WDR59: variants seen among roughly 807,000 people sequenced by gnomAD.
WDR59 encodes WD repeat domain 59.
A neutral mutation model predicts 131.2 loss-of-function variants in WDR59; 100 were observed. The observed-to-expected ratio is 0.76, with a 90% CI of 0.65 to 0.90. The LOEUF (loss-of-function observed/expected upper bound fraction) is 0.90. Among genes scored for constraint, WDR59 ranks in the 40% least tolerant of loss-of-function variants. The pLI, the probability that WDR59 is intolerant of heterozygous loss-of-function variation, is 0.00. For missense variants in WDR59, 1,203 were observed against 1,262.2 expected, an observed-to-expected ratio of 0.95 and a Z score of 0.71; for synonymous variants, 601 against 466.2, an observed-to-expected ratio of 1.29 and a Z score of -3.72.
chr16:74,873,541 A>T lies in WDR59; in HGVS notation c.*668T>A, dbSNP rs545583079. The T allele has an allele frequency of 6.6e-6, 1 of 151,910 alleles. No individual in the cohort carries two copies. Among genetic ancestry groups the T allele is most frequent in the African/African-American group, 2.4e-5 (1 of 41,448 alleles). The allele number at this position is 151,910 out of a possible 1,614,324, so 9.4% of individuals were successfully genotyped here. On this transcript the variant is annotated 3_prime_UTR_variant, in exon 26 of 26. Coordinates refer to ENST00000262144, the MANE Select transcript of WDR59 (RefSeq NM_030581.4). ...TTCAAAATAGCTACCTTCAATTAGA[A>T]TTAGGGTAAAAAATGATTCACCATA...
Position 74,886,265 on chromosome 16 carries a change from G to C in WDR59, c.2546+5C>G, listed in dbSNP as rs1267602237. 2.5e-6 allele frequency: 4 copies of C among 1,610,566 alleles called. No homozygotes were observed. Among genetic ancestry groups the C allele is most frequent in the Non-Finnish European group, 3.4e-6 (4 of 1,177,844 alleles). ...ATTGCAGCTCTCACCTGGGAGGGTG[G>C]TTACCTTTTATTTTTATCATGCTGG... On this transcript the variant is annotated splice_donor_5th_base_variant and intron_variant, in intron 24 of 25. Transcript: ENST00000262144.
In WDR59 at chr16:74,912,296, C is replaced by T; in HGVS notation, c.1291G>A (p.Val431Met). The T allele has an allele frequency of 6.2e-7, 1 of 1,614,138 alleles. No individual in the cohort carries two copies. The highest frequency in any genetic ancestry group is 8.5e-7 in the Non-Finnish European group (1 of 1,180,028). The change falls in exon 14 of 26, where the codon GTG becomes ATG. Residue 431 changes from valine (V) to methionine (M), a missense_variant. Transcript: ENST00000262144. ...HCSNHRVKML[V>M]KFPAQYPNNA... The stretch of plus-strand genomic sequence containing the variant: ...TTTGGGTACTGTGCAGGGAACTTCA[C>T]CAGCATCTTGACACGATGGTTGCTG...
chr16:74,878,321 C>T (rs527617348), intron 25 of WDR59, among the ~76,000 whole-genome samples: 3 of 152,198 alleles, frequency 2.0e-5, no homozygotes, highest in Non-Finnish European at 4.4e-5. Flanking sequence ...TATCTTTCAA[C>T]AAATTTATTT....
intron 6 of WDR59, among the ~76,000 whole-genome samples, chr16:74,945,340 G>T (rs887089690): frequency 1.3e-5 from 2 of 151,690 alleles, no homozygotes; most frequent in Non-Finnish European, 2.9e-5. Context: ...AGCCGGGCAT[G>T]GTGGCGGGCG....
chr16:74,947,564 G>T (rs1484742577), intron 6 of WDR59, among the ~76,000 whole-genome samples: 3 of 152,162 alleles, frequency 2.0e-5, no homozygotes, highest in African/African-American at 4.8e-5. Context: ...ACTTTATTTA[G>T]ATTCTCACTG....
intron 18 of WDR59, 137 bp from the exon 19 acceptor site, chr16:74,893,949 G>T (rs1965167111): frequency 1.0e-6 from 1 of 967,662 alleles, no homozygotes; most frequent in Non-Finnish European, 1.5e-6. Context: ...ATGGGAATCA[G>T]CATCTGTAGG....
intron 7 of WDR59, among the ~76,000 whole-genome samples, chr16:74,941,999 G>A (rs2032268957): frequency 6.6e-6 from 1 of 152,088 alleles, no homozygotes; most frequent in Non-Finnish European, 1.5e-5. Context: ...TTTACACCCA[G>A]GTCTCATGGC....
chr16:74,962,370 T>C (rs557000683), intron 2 of WDR59, among the ~76,000 whole-genome samples: 1 of 152,272 alleles, frequency 6.6e-6, no homozygotes, highest in Non-Finnish European at 1.5e-5. Context: ...ATAAATCACT[T>C]TGGGAGGTAT....
chr16:74,946,443 C>T (rs543112791), intron 6 of WDR59, among the ~76,000 whole-genome samples: 8 of 152,142 alleles, frequency 5.3e-5, no homozygotes, highest in East Asian at 3.9e-4. Flanking sequence ...GGTTTCTGCC[C>T]GGGTGTGGTG....
intron 23 of WDR59, among the ~76,000 whole-genome samples, chr16:74,887,127 A>C (rs1221166359): frequency 6.6e-6 from 1 of 152,250 alleles, no homozygotes; most frequent in African/African-American, 2.4e-5. Flanking sequence ...AATGGACGCT[A>C]TTCCTAGGTG....
chr16:74,913,380 C>T (rs1275471534), intron 13 of WDR59, among the ~76,000 whole-genome samples: 1 of 152,036 alleles, frequency 6.6e-6, no homozygotes, highest in African/African-American at 2.4e-5. Flanking sequence ...GATTCTCCCA[C>T]CTCAACCTCC....
At chr16:74,903,519 C>G (rs959211905) in intron 18 of WDR59, among the ~76,000 whole-genome samples, 1 of 151,628 alleles carries the variant, frequency 6.6e-6, no homozygotes, top group Non-Finnish European at 1.5e-5. Flanking sequence ...ACCTTTCAGA[C>G]ATTAACTTTA....
At chr16:74,916,936 G>A (rs1404403982) in intron 11 of WDR59, among the ~76,000 whole-genome samples, 1 of 151,906 alleles carries the variant, frequency 6.6e-6, no homozygotes, top group Non-Finnish European at 1.5e-5. Context: ...GATTGAAAAT[G>A]CAATAAGGTA....
In WDR59 at chr16:74,893,663, G is replaced by C. The variant is rs780270853; in HGVS notation, c.2000+16C>G. 1.9e-6 allele frequency: 3 copies of C among 1,612,422 alleles called. No individual in the cohort carries two copies. In the South Asian group the frequency reaches 3.3e-5, roughly 18 times the overall value. ...GCTAAATGATGAGTGCAGCAGACTT[G>C]AAATTTTGTACTTACATGTACAGCT... On this transcript the variant is annotated intron_variant, in intron 19 of 25. Coordinates refer to ENST00000262144, the MANE Select transcript of WDR59 (RefSeq NM_030581.4).
chr16:74,980,538 G>C (rs2034359745), intron 1 of WDR59, among the ~76,000 whole-genome samples: 1 of 151,662 alleles, frequency 6.6e-6, no homozygotes, highest in Non-Finnish European at 1.5e-5. Flanking sequence ...ATTTTTAGTA[G>C]AGATGGGGTT....
At chr16:74,960,043 G>C (rs1386975437) in intron 2 of WDR59, among the ~76,000 whole-genome samples, 1 of 151,972 alleles carries the variant, frequency 6.6e-6, no homozygotes, top group Non-Finnish European at 1.5e-5. Flanking sequence ...AGAAGCTAAA[G>C]TTTAGGCCGG....
intron 10 of WDR59, among the ~76,000 whole-genome samples, chr16:74,919,603 A>G (rs1429162941): frequency 6.6e-6 from 1 of 151,936 alleles, no homozygotes; most frequent in Non-Finnish European, 1.5e-5. Flanking sequence ...TTGGCCTCCC[A>G]AAGTGCTGGG....
chr16:74,884,255 G>A (rs1371511648), intron 25 of WDR59, among the ~76,000 whole-genome samples: 1 of 152,124 alleles, frequency 6.6e-6, no homozygotes, highest in Non-Finnish European at 1.5e-5. Flanking sequence ...TTTCCTCGTA[G>A]GAAGGCCACA....
In WDR59 at chr16:74,911,379, G is replaced by A. The variant is rs1966079222; in HGVS notation, c.1389+819C>T. Among the ~76,000 whole-genome samples the A allele has an allele frequency of 3.9e-5, 6 of 152,276 alleles. 1 individual carries two copies. In the South Asian group the frequency reaches 1.2e-3, roughly 32 times the overall value. On this transcript the variant is annotated intron_variant, in intron 14 of 25. Transcript: ENST00000262144. ...TGGTTCCATGTGATACCCCCAACAA[G>A]GTGGAACAATCAAGTGTCCACGACC...
Sources: allele counts gnomAD v4.1 joint callset (sites outside exome capture counted in the v4.1 genomes callset), GRCh38; gene constraint gnomAD v4.1.1; transcripts MANE v1.5; gene names NCBI Gene and HGNC (gene_info 2026-07-23, HGNC 2026-07-21).